Variants in CNBD1 observed in about 807,000 individuals in gnomAD.
The protein encoded by CNBD1 is cyclic nucleotide binding domain containing 1.
A neutral mutation model predicts 54.4 loss-of-function variants in CNBD1; 71 were observed. The observed-to-expected ratio is 1.30, with a 90% CI of 1.08 to 1.59. CNBD1 has a LOEUF of 1.59. Among genes scored for constraint, CNBD1 ranks in the 40% most tolerant of loss-of-function variants. CNBD1 has a pLI of 0.00. For missense variants in CNBD1, 659 were observed against 518.0 expected (o/e 1.27, Z -2.64); for synonymous variants, 182 against 170.7 (o/e 1.07, Z -0.51).
At chr8:87,348,206 C>T (rs1365662426) in intron 8 of CNBD1, among the ~76,000 whole-genome samples, 1 of 152,090 alleles carries the variant, frequency 6.6e-6, no homozygotes, top group African/African-American at 2.4e-5. Context: ...AAACTTCATT[C>T]TTCTCAGATG....
intron 4 of CNBD1, among the ~76,000 whole-genome samples, chr8:87,015,705 C>G (rs897372053): frequency 3.3e-5 from 5 of 151,936 alleles, no homozygotes; most frequent in African/African-American, 9.7e-5. Context: ...TTTAGACATG[C>G]CTTTTGGCTC....
chr8:87,296,632 T>C (rs13274534), intron 8 of CNBD1, among the ~76,000 whole-genome samples: 1 of 150,796 alleles, frequency 6.6e-6, no homozygotes, highest in Non-Finnish European at 1.5e-5. Context: ...TATATATACA[T>C]ATATATGTGT....
At chr8:87,045,973 G>A (rs1328547100) in intron 4 of CNBD1, among the ~76,000 whole-genome samples, 1 of 150,264 alleles carries the variant, frequency 6.7e-6, no homozygotes, top group Non-Finnish European at 1.5e-5. Context: ...TCTGGGGGGC[G>A]GAGGTTGCAG....
chr8:87,323,720 T>C (rs1809596012), intron 8 of CNBD1, among the ~76,000 whole-genome samples: 1 of 132,370 alleles, frequency 7.6e-6, no homozygotes, highest in South Asian at 2.2e-4. Context: ...GATGGGGTTT[T>C]CTAGATAAAC....
intron 4 of CNBD1, among the ~76,000 whole-genome samples, chr8:86,949,494 T>G (rs1425865771): frequency 6.6e-6 from 1 of 152,174 alleles, no homozygotes; most frequent in Admixed American, 6.5e-5. Context: ...TATTTAATTG[T>G]ATTCGTGGCT....
At chr8:86,952,457 C>T (rs1331746658) in intron 4 of CNBD1, among the ~76,000 whole-genome samples, 1 of 151,574 alleles carries the variant, frequency 6.6e-6, no homozygotes, top group East Asian at 1.9e-4. Context: ...AGACATAGTA[C>T]CATTTATGGA....
chr8:87,401,911 C>A (rs992488776), intron 2 of CNBD1, among the ~76,000 whole-genome samples: 1 of 151,900 alleles, frequency 6.6e-6, no homozygotes, highest in African/African-American at 2.4e-5. Context: ...GCACAATTGG[C>A]TTAGGAGAGG....
intron 4 of CNBD1, among the ~76,000 whole-genome samples, chr8:87,050,677 T>C (rs1810293617): frequency 1.3e-5 from 2 of 152,200 alleles, no homozygotes; most frequent in South Asian, 4.1e-4. Context: ...TTTAGATCCC[T>C]CAGATACTTG....
chr8:86,965,092 C>T lies in CNBD1; in HGVS notation c.431+25338C>T, dbSNP rs1217816123. 3.3e-5 allele frequency among the ~76,000 whole-genome samples: 5 copies of T among 152,182 alleles called. No individual in the cohort carries two copies. In the East Asian group the frequency reaches 7.7e-4, roughly 23 times the overall value. ...CAAGACATACTTTTCTTTGTCTGTG[C>T]TACTCTTAACCTTATATTATATACT... On this transcript the variant is annotated intron_variant, in intron 4 of 10. Coordinates refer to ENST00000518476, the MANE Select transcript of CNBD1 (RefSeq NM_173538.3).
At chr8:87,327,860 A>T (rs1032917613) in intron 8 of CNBD1, among the ~76,000 whole-genome samples, 3 of 151,900 alleles carry the variant, frequency 2.0e-5, no homozygotes, top group Non-Finnish European at 4.4e-5. Context: ...GGAGTTTTAC[A>T]GTTTAAAGTT....
At chr8:87,041,584 G>T (rs549283469) in intron 4 of CNBD1, among the ~76,000 whole-genome samples, 1 of 152,302 alleles carries the variant, frequency 6.6e-6, no homozygotes, top group South Asian at 2.1e-4. Flanking sequence ...GGATCATGAG[G>T]TCAGGAGATC....
chr8:87,251,529 A>T (rs1378245075), intron 6 of CNBD1, among the ~76,000 whole-genome samples: 1 of 151,270 alleles, frequency 6.6e-6, no homozygotes, highest in African/African-American at 2.4e-5. Flanking sequence ...CAGAGGTTGC[A>T]GTGAGCCAAG....
intron 9 of CNBD1, among the ~76,000 whole-genome samples, chr8:87,352,478 C>CAAAAAAAAAAA (rs386413278): frequency 2.8e-5 from 3 of 107,492 alleles, no homozygotes; most frequent in African/African-American, 1.2e-4. Flanking sequence ...GACTCTGTCT[C>CAAAAAAAAAAA]AAAAAAAAAA....
chr8:87,123,231 C>T (rs1338152352), intron 4 of CNBD1, among the ~76,000 whole-genome samples: 1 of 151,744 alleles, frequency 6.6e-6, no homozygotes, highest in African/African-American at 2.4e-5. Context: ...GTACTTTCTT[C>T]TCAAGTGCAC....
intron 8 of CNBD1, among the ~76,000 whole-genome samples, chr8:87,303,458 C>G (rs1221627542): frequency 1.3e-5 from 2 of 151,996 alleles, no homozygotes; most frequent in Middle Eastern, 3.4e-3. Context: ...AACTGAATCC[C>G]TTCCTTACAC....
chr8:87,230,219 A>G (rs1262583763), intron 5 of CNBD1, among the ~76,000 whole-genome samples: 1 of 152,174 alleles, frequency 6.6e-6, no homozygotes, highest in Admixed American at 6.5e-5. Flanking sequence ...CCATTCATGA[A>G]TGATTCACAC....
intron 4 of CNBD1, among the ~76,000 whole-genome samples, chr8:87,148,619 G>A (rs1338637923): frequency 6.6e-6 from 1 of 152,046 alleles, no homozygotes; most frequent in Admixed American, 6.6e-5. Flanking sequence ...TTTAACTATG[G>A]AACACAGAGC....
At chr8:87,347,199 C>T (rs1810192719) in intron 8 of CNBD1, among the ~76,000 whole-genome samples, 1 of 152,228 alleles carries the variant, frequency 6.6e-6, no homozygotes, top group Non-Finnish European at 1.5e-5. Context: ...TGCTGTTCTG[C>T]CACCTCATAT....
intron 4 of CNBD1, among the ~76,000 whole-genome samples, chr8:86,989,812 T>C (rs1419546981): frequency 6.6e-6 from 1 of 152,170 alleles, no homozygotes; most frequent in Admixed American, 6.6e-5. Context: ...CCATCAACAG[T>C]GTACGAGGGT....
Sources: gnomAD v4.1 joint callset for allele counts (sites outside exome capture counted in the v4.1 genomes callset) on GRCh38, gnomAD v4.1.1 for gene constraint, MANE v1.5 for transcripts, NCBI Gene and HGNC (gene_info 2026-07-23, HGNC 2026-07-21) for gene names.